THRB: variants seen among roughly 807,000 people sequenced by gnomAD.
THRB encodes nuclear receptor subfamily 1 group A member 2.
Under a neutral mutation model 47.8 loss-of-function variants are expected in THRB, and 12 were observed. That is an observed-to-expected ratio of 0.25 (90% CI 0.16 to 0.41). THRB has a LOEUF of 0.41. THRB is among the 10% of genes least tolerant of loss of function. The pLI, the probability that THRB is intolerant of heterozygous loss-of-function variation, is 1.00. For synonymous variants in THRB, 218 were observed against 212.2 expected (o/e 1.03, Z -0.24); for missense variants, 348 against 589.2 (o/e 0.59, Z 4.24).
intron 1 of THRB, among the ~76,000 whole-genome samples, chr3:24,447,648 C>G (rs1188060240): frequency 6.6e-6 from 1 of 152,020 alleles, no homozygotes; most frequent in Non-Finnish European, 1.5e-5. Context: ...ATTTAAAGTA[C>G]TATATAGCAA....
Position 24,357,358 on chromosome 3 carries a change from A to C in THRB, c.-260-19987T>G, listed in dbSNP as rs1333109516. On this transcript the variant is annotated intron_variant, in intron 1 of 10. Transcript: ENST00000646209. The stretch of plus-strand genomic sequence containing the variant: ...TCCTTGTCTCTCCCAAAAAAAAAAA[A>C]AAAAAAAAAAAAAAAACAAAAAACA... Among the ~76,000 whole-genome samples, 865 of 146,986 alleles carry C rather than the reference A, an allele frequency of 5.9e-3. 15 individuals are homozygous for C. The highest frequency in any genetic ancestry group is 0.02 in the African/African-American group (801 of 39,986).
At chr3:24,458,754 C>T (rs139566457) in intron 1 of THRB, 25 of 152,064 alleles carry the variant, frequency 1.6e-4, no homozygotes, top group Middle Eastern at 3.4e-3. Flanking sequence ...TCATACTATT[C>T]GAAAAGAAGA....
chr3:24,431,163 T>C (rs2070354786), intron 1 of THRB: 2 of 151,856 alleles, frequency 1.3e-5, no homozygotes, highest in South Asian at 4.2e-4. Context: ...CATATGTTCA[T>C]TTAAAAAAAT....
At chr3:24,148,369 C>T (rs563765784) in intron 6 of THRB, among the ~76,000 whole-genome samples, 6 of 152,254 alleles carry the variant, frequency 3.9e-5, no homozygotes, top group African/African-American at 9.6e-5. Flanking sequence ...TTCAGTGATC[C>T]GTCCTCCTTG....
intron 1 of THRB, among the ~76,000 whole-genome samples, chr3:24,468,418 A>T (rs1187885352): frequency 6.6e-6 from 1 of 152,166 alleles, no homozygotes; most frequent in Non-Finnish European, 1.5e-5. Flanking sequence ...CTTTTGACCT[A>T]TTTCAGCTTT....
chr3:24,146,883 G>A (rs534510695), intron 6 of THRB, 61 bp from the exon 7 acceptor site: 637 of 1,514,112 alleles, frequency 4.2e-4, no homozygotes, highest in Non-Finnish European at 5.6e-4. Context: ...CAGTGATTCT[G>A]GAATTTTGTG....
intron 1 of THRB, among the ~76,000 whole-genome samples, chr3:24,366,414 C>T (rs1359289416): frequency 2.0e-5 from 3 of 152,058 alleles, no homozygotes; most frequent in African/African-American, 7.2e-5. Context: ...GTAGCGATGG[C>T]GGGAGTGAGG....
chr3:24,285,917 A>T (rs1030580493), intron 3 of THRB, among the ~76,000 whole-genome samples: 1 of 152,066 alleles, frequency 6.6e-6, no homozygotes, highest in Non-Finnish European at 1.5e-5. Flanking sequence ...CTAACCCCCA[A>T]TGTGATGGTA....
chr3:24,265,114 T>C (rs1320145362), intron 3 of THRB, among the ~76,000 whole-genome samples: 1 of 151,594 alleles, frequency 6.6e-6, no homozygotes, highest in Non-Finnish European at 1.5e-5. Context: ...GGGGGAAGAG[T>C]ATTACACTGG....
chr3:24,234,651 A>G (rs1481674141), intron 3 of THRB, among the ~76,000 whole-genome samples: 2 of 152,198 alleles, frequency 1.3e-5, no homozygotes, highest in African/African-American at 4.8e-5. Context: ...CCAACCTGTA[A>G]CTCAGGGGCA....
chr3:24,318,905 C>T (rs1310630272), intron 2 of THRB, among the ~76,000 whole-genome samples: 1 of 152,122 alleles, frequency 6.6e-6, no homozygotes, highest in African/African-American at 2.4e-5. Context: ...AGTTAGGATT[C>T]CTTAAAAGGG....
Position 24,150,326 on chromosome 3 carries a change from G to A in THRB, c.384+2064C>T, listed in dbSNP as rs80016186. Among the ~76,000 whole-genome samples the A allele has an allele frequency of 9.1e-4, 138 of 152,208 alleles. No homozygotes were observed. In the East Asian group the frequency reaches 0.025, roughly 28 times the overall value. ...TCATCTTTCACCACTCTTAAAAACCGTGTTTCACTTGAAAAACTCGTTTGT... is the reference window on the plus strand; with the variant it reads ...TCATCTTTCACCACTCTTAAAAACCATGTTTCACTTGAAAAACTCGTTTGT... On this transcript the variant is annotated intron_variant, in intron 6 of 10. Coordinates refer to ENST00000646209, the MANE Select transcript of THRB (RefSeq NM_001354712.2).
At chr3:24,197,461 C>T (rs542470279) in intron 4 of THRB, among the ~76,000 whole-genome samples, 3 of 152,298 alleles carry the variant, frequency 2.0e-5, no homozygotes, top group South Asian at 2.1e-4. Flanking sequence ...TTGTCTATGT[C>T]TCTTCTATAA....
chr3:24,442,824 C>G (rs1183942577), intron 1 of THRB, among the ~76,000 whole-genome samples: 1 of 135,094 alleles, frequency 7.4e-6, no homozygotes, highest in Non-Finnish European at 1.6e-5. Flanking sequence ...AACTCCGTCT[C>G]AAAAAAAAAA....
intron 5 of THRB, among the ~76,000 whole-genome samples, chr3:24,181,291 A>G (rs2683541): frequency 0.25 from 38,136 of 152,136 alleles, 5,319 homozygotes; most frequent in African/African-American, 0.34. Context: ...TGGAGTGTAG[A>G]TTCATCTATT....
At chr3:24,218,726 T>C (rs1237000069) in intron 4 of THRB, among the ~76,000 whole-genome samples, 2 of 152,054 alleles carry the variant, frequency 1.3e-5, no homozygotes, top group Admixed American at 6.6e-5. Flanking sequence ...CCACAATCCT[T>C]TGAGAAAAGT....
At chr3:24,123,271 G>A in intron 10 of THRB, 146 bp from the exon 11 acceptor site, 1 of 1,152,404 alleles carries the variant, frequency 8.7e-7, no homozygotes, top group Non-Finnish European at 1.3e-6. Context: ...GAACTCTGGT[G>A]CTCCAGGGAC....
At chr3:24,285,936 T>C (rs1226864732) in intron 3 of THRB, among the ~76,000 whole-genome samples, 4 of 152,156 alleles carry the variant, frequency 2.6e-5, no homozygotes, top group Non-Finnish European at 5.9e-5. Flanking sequence ...TATTTGGAGG[T>C]AGGGCCTCTG....
At chr3:24,363,321 C>T (rs926002579) in intron 1 of THRB, among the ~76,000 whole-genome samples, 1 of 152,150 alleles carries the variant, frequency 6.6e-6, no homozygotes, top group African/African-American at 2.4e-5. Context: ...AAGGCTTCTG[C>T]AGAAAGCTCA....
Sources: gnomAD v4.1 joint callset for allele counts (sites outside exome capture counted in the v4.1 genomes callset) on GRCh38, gnomAD v4.1.1 for gene constraint, MANE v1.5 for transcripts, NCBI Gene and HGNC (gene_info 2026-07-23, HGNC 2026-07-21) for gene names.